The following FAM184A variants were observed in gnomAD, a reference collection of about 807,000 sequenced individuals.
FAM184A encodes the protein family with sequence similarity 184 member A, also known as protein FAM184A.
In FAM184A, 99 loss-of-function variants were observed where a neutral mutation model predicts 143.8. The observed-to-expected ratio is 0.69, with a 90% CI of 0.58 to 0.81. The LOEUF is 0.81. Ranked by LOEUF, FAM184A falls within the 40% of genes least tolerant of loss-of-function variation. FAM184A has a pLI of 0.00. For missense variants in FAM184A, 1,217 were observed against 1,310.5 expected (o/e 0.93, Z 1.10); for synonymous variants, 427 against 446.4 (o/e 0.96, Z 0.55).
At chr6:118,965,904 A>G (rs928398521) in intron 15 of FAM184A, among the ~76,000 whole-genome samples, 3 of 152,184 alleles carry the variant, frequency 2.0e-5, no homozygotes, top group African/African-American at 7.2e-5. Context: ...ATAATTTTCC[A>G]TGAGTCTGCT....
At chr6:119,114,316 T>G (rs964149874) in intron 1 of FAM184A, among the ~76,000 whole-genome samples, 3 of 152,192 alleles carry the variant, frequency 2.0e-5, no homozygotes, top group African/African-American at 7.2e-5. Context: ...AGTGTTTTAT[T>G]TGGCAACCCT....
intron 1 of FAM184A, among the ~76,000 whole-genome samples, chr6:119,060,000 T>C (rs1443913462): frequency 6.6e-6 from 1 of 152,234 alleles, no homozygotes; most frequent in Non-Finnish European, 1.5e-5. Context: ...TATAAATTGG[T>C]CACTAACAAA....
At chr6:119,114,625 G>T (rs184979792) in intron 1 of FAM184A, among the ~76,000 whole-genome samples, 118 of 151,598 alleles carry the variant, frequency 7.8e-4, no homozygotes, top group African/African-American at 2.5e-3. Flanking sequence ...CACTGCAACC[G>T]CCACCTCCTG....
chr6:118,976,663 C>CAA (rs79157029), intron 11 of FAM184A, among the ~76,000 whole-genome samples: 3 of 120,708 alleles, frequency 2.5e-5, no homozygotes, highest in Non-Finnish European at 3.5e-5. Context: ...GACTCCATCT[C>CAA]AAAAAAAAAA....
chr6:119,020,404 C>T (rs1186079276), intron 3 of FAM184A, among the ~76,000 whole-genome samples: 1 of 152,002 alleles, frequency 6.6e-6, no homozygotes, highest in Non-Finnish European at 1.5e-5. Context: ...TCCTGCACCT[C>T]GTACCGTTTT....
In FAM184A at chr6:119,101,758, T is replaced by G. The variant is rs1054460536; in HGVS notation, c.-202+47320A>C. ...ACCACCATAAAGACACACAAAAAAT[T>G]AAAGAATAAAGGATAGGCTGGGTGC... On this transcript the variant is annotated intron_variant, in intron 1 of 16. Coordinates refer to the FAM184A transcript ENST00000352896. Among the ~76,000 whole-genome samples, 5 of 152,086 alleles carry G rather than the reference T, an allele frequency of 3.3e-5. No individual in the cohort carries two copies. In the East Asian group the frequency reaches 9.7e-4, roughly 29 times the overall value.
intron 1 of FAM184A, among the ~76,000 whole-genome samples, chr6:119,095,042 T>C (rs74807747): frequency 0.023 from 3,438 of 152,230 alleles, 360 homozygotes; most frequent in Admixed American, 0.18. Context: ...AAGAGGAACT[T>C]GTGGTGGGAC....
At chr6:119,072,841 A>T (rs562608781) in intron 1 of FAM184A, among the ~76,000 whole-genome samples, 69 of 148,490 alleles carry the variant, frequency 4.6e-4, no homozygotes, top group African/African-American at 1.8e-3. Flanking sequence ...GAATAATTTA[A>T]CTCAGCTGAA....
At chr6:119,143,536 T>C (rs1013856903) in intron 1 of FAM184A, among the ~76,000 whole-genome samples, 3 of 152,212 alleles carry the variant, frequency 2.0e-5, no homozygotes, top group Non-Finnish European at 4.4e-5. Flanking sequence ...TTATTCACAA[T>C]AGCCAAGAGG....
At chr6:118,975,849 A>G in intron 12 of FAM184A, 68 bp downstream of exon 12, 1 of 1,440,802 alleles carries the variant, frequency 6.9e-7, no homozygotes, top group Non-Finnish European at 9.5e-7. Context: ...AATAATTTTC[A>G]GGAAATTATG....
At chr6:119,136,937 T>C (rs1386422843) in intron 1 of FAM184A, among the ~76,000 whole-genome samples, 1 of 152,192 alleles carries the variant, frequency 6.6e-6, no homozygotes, top group Non-Finnish European at 1.5e-5. Context: ...AATGGGGACA[T>C]TGATGCTGGA....
chr6:119,078,887 T>G, upstream of FAM184A: 1 of 152,968 alleles, frequency 6.5e-6, no homozygotes, highest in South Asian at 1.8e-4. This position sits in a 1 kb window ranked among gnomAD's most constrained non-coding sequence, Gnocchi z 5.5. Flanking sequence ...GTGCCGCCAG[T>G]GCTTCCCCCG....
chr6:119,071,101 G>C lies in FAM184A; in HGVS notation c.159+7040C>G, dbSNP rs1355197084. Among the ~76,000 whole-genome samples the C allele has an allele frequency of 2.0e-5, 3 of 152,108 alleles. No individual in the cohort carries two copies. In the East Asian group the frequency reaches 5.8e-4, roughly 29 times the overall value. ...AAATATCACAATTTTAAAAGTTAAA[G>C]TATAGGGAACTTATTAATTAAAATG... On this transcript the variant is annotated intron_variant, in intron 1 of 17. Transcript: ENST00000338891.
At chr6:119,023,552 TC>T (rs758190115) in intron 2 of FAM184A, among the ~76,000 whole-genome samples, 2 of 13,982 alleles carry the variant, frequency 1.4e-4, no homozygotes, top group South Asian at 1.8e-3. Context: ...AGCAATATTG[TC>T]CGCCCCCCCC....
intron 2 of FAM184A, among the ~76,000 whole-genome samples, chr6:119,023,584 T>C (rs1785528198): frequency 9.6e-6 from 1 of 103,894 alleles, no homozygotes. Flanking sequence ...GCGTATTACC[T>C]CGCTAAGCTC....
chr6:118,999,402 C>G (rs1784679551), intron 9 of FAM184A, among the ~76,000 whole-genome samples: 1 of 152,162 alleles, frequency 6.6e-6, no homozygotes, highest in Non-Finnish European at 1.5e-5. Flanking sequence ...TCTTTAAACT[C>G]CTAAGCTTGG....
At chr6:119,102,784 C>CAAAAAAAAAAAAAAAAAAAAAAAAA (rs58686018) in intron 1 of FAM184A, among the ~76,000 whole-genome samples, 1 of 30,112 alleles carries the variant, frequency 3.3e-5, no homozygotes, top group Non-Finnish European at 6.7e-5. Flanking sequence ...GACTCCATCT[C>CAAAAAAAAAAAAAAAAAAAAAAAAA]AAAAAAAAAA....
At chr6:119,134,458 C>A (rs150364165) in intron 1 of FAM184A, among the ~76,000 whole-genome samples, 1 of 151,820 alleles carries the variant, frequency 6.6e-6, no homozygotes, top group Non-Finnish European at 1.5e-5. Context: ...TTGAGACCAG[C>A]CTGAGCAATG....
chr6:119,013,627 C>T (rs1302293397), intron 5 of FAM184A, among the ~76,000 whole-genome samples: 2 of 152,214 alleles, frequency 1.3e-5, no homozygotes, highest in Non-Finnish European at 2.9e-5. Flanking sequence ...GAGAATACTA[C>T]AGTCAGAGTC....
Sources: allele counts gnomAD v4.1 joint callset (sites outside exome capture counted in the v4.1 genomes callset), GRCh38; gene constraint gnomAD v4.1.1; non-coding constraint Gnocchi (gnomAD v3.1); transcripts MANE v1.5; gene names NCBI Gene and HGNC (gene_info 2026-07-23, HGNC 2026-07-21).